The following COP1 variants were observed in gnomAD, a reference collection of about 807,000 sequenced individuals.
COP1 encodes COP1 E3 ubiquitin ligase.
In COP1, 24 loss-of-function variants were observed where a neutral mutation model predicts 101.3. The observed-to-expected ratio is 0.24, with a 90% CI of 0.17 to 0.33. The LOEUF (loss-of-function observed/expected upper bound fraction) is 0.33. Ranked by LOEUF, COP1 falls within the 10% of genes least tolerant of loss-of-function variation. The probability of loss-of-function intolerance (pLI) is 1.00; values close to 1 mark genes in which losing one functional copy is unlikely to be tolerated. For synonymous variants in COP1, 347 were observed against 341.9 expected, an observed-to-expected ratio of 1.01 and a Z score of -0.17; for missense variants, 663 against 906.2, an observed-to-expected ratio of 0.73 and a Z score of 3.45.
In COP1 at chr1:175,979,499, T is replaced by TAA. The variant is rs66686930; in HGVS notation, c.2133+7442_2133+7443dup. Among the ~76,000 whole-genome samples the TAA allele has an allele frequency of 1.2e-3, 172 of 146,394 alleles. 1 individual carries two copies. The highest frequency in any genetic ancestry group is 3.5e-3 in the Middle Eastern group (1 of 286). ...TAAATTTGGAAAGTAGATATGCCTT[T>TAA]AAAAAAAAAAAAGACTGAGTTGTGA... On this transcript the variant is annotated intron_variant, in intron 18 of 19. Coordinates refer to ENST00000367669, the MANE Select transcript of COP1 (RefSeq NM_022457.7).
chr1:175,981,185 T>C (rs1312822726), intron 18 of COP1, among the ~76,000 whole-genome samples: 1 of 152,170 alleles, frequency 6.6e-6, no homozygotes, highest in East Asian at 1.9e-4. Flanking sequence ...TGAAAATTTT[T>C]CAGGTTTATT....
At chr1:176,148,047 G>A (rs1691842483) in intron 6 of COP1, among the ~76,000 whole-genome samples, 1 of 151,660 alleles carries the variant, frequency 6.6e-6, no homozygotes, top group Non-Finnish European at 1.5e-5. Flanking sequence ...TTAAACAAAT[G>A]AATGACTGGA....
rs1273506313 is a variant in COP1 at position 176,207,200 on chromosome 1, A to G, written c.-222T>C. ...CTAAAAAAGCGGAGTAGAAGGCACT[A>G]CCGCTGTCGAGGCCGCCGCCGCCAC... is the stretch of plus-strand genomic sequence containing the variant. On this transcript the variant is annotated 5_prime_UTR_variant, in exon 1 of 20. Coordinates refer to ENST00000367669, the MANE Select transcript of COP1 (RefSeq NM_022457.7). The G allele has an allele frequency of 4.9e-6, 2 of 405,134 alleles. No individual in the cohort carries two copies. Among genetic ancestry groups the G allele is most frequent in the Non-Finnish European group, 8.6e-6 (2 of 232,162 alleles). The allele number at this position is 405,134 out of a possible 1,614,324, so 25.1% of individuals were successfully genotyped here.
chr1:176,165,382 GT>G (rs1171768247), intron 3 of COP1, among the ~76,000 whole-genome samples: 24 of 148,458 alleles, frequency 1.6e-4, no homozygotes, highest in African/African-American at 5.6e-4. Context: ...GTGTGTGTGT[GT>G]GTGTGTGTGT....
rs373677030 is a variant in COP1 at position 176,070,514 on chromosome 1, C to T, written c.1277+10638G>A. Among the ~76,000 whole-genome samples, 399 of 152,038 alleles carry T rather than the reference C, an allele frequency of 2.6e-3. 3 individuals carry two copies. The highest frequency in any genetic ancestry group is 9.2e-3 in the African/African-American group (381 of 41,502). ...CCGTCTCTACTAAAAATACAAAAATCAGCTGGCTGTGGTGGCACTTGCCTG... is the reference window on the plus strand; with the variant it reads ...CCGTCTCTACTAAAAATACAAAAATTAGCTGGCTGTGGTGGCACTTGCCTG... On this transcript the variant is annotated intron_variant, in intron 11 of 19. Coordinates refer to ENST00000367669, the MANE Select transcript of COP1 (RefSeq NM_022457.7).
intron 15 of COP1, among the ~76,000 whole-genome samples, chr1:176,011,206 C>A (rs1027860818): frequency 6.6e-6 from 1 of 152,122 alleles, no homozygotes; most frequent in Admixed American, 6.6e-5. Flanking sequence ...TAGTCACTAG[C>A]CACATGTGGT....
intron 6 of COP1, among the ~76,000 whole-genome samples, chr1:176,139,436 T>C (rs1200333254): frequency 6.6e-6 from 1 of 152,084 alleles, no homozygotes; most frequent in African/African-American, 2.4e-5. Context: ...AGAGAACTAC[T>C]ATTTGACCGA....
chr1:176,049,097 A>G (rs979847337), intron 11 of COP1, among the ~76,000 whole-genome samples: 1 of 149,396 alleles, frequency 6.7e-6, no homozygotes, highest in Non-Finnish European at 1.5e-5. Flanking sequence ...GCGTGAACCC[A>G]GGAAGCGGAG....
chr1:175,996,279 G>A lies in COP1; in HGVS notation c.1730-6800C>T, dbSNP rs200127542. Among the ~76,000 whole-genome samples, 1,017 of 152,254 alleles carry A rather than the reference G, an allele frequency of 6.7e-3. 4 individuals are homozygous for A. Among genetic ancestry groups the A allele is most frequent in the African/African-American group, 0.023 (944 of 41,496 alleles). On this transcript the variant is annotated intron_variant, in intron 15 of 19. Transcript: ENST00000367669. Reference sequence around the variant, plus strand: ...AATAAGAGCTATCTATGACCAACCCGCAGCCAATATCATACTGAATGGGCA... The same window carrying A: ...AATAAGAGCTATCTATGACCAACCCACAGCCAATATCATACTGAATGGGCA...
chr1:176,152,708 C>T lies in COP1; in HGVS notation c.763-3634G>A, dbSNP rs141531591. On this transcript the variant is annotated intron_variant, in intron 5 of 19. Transcript: ENST00000367669. ...CTGCCTTCCTGGCCTCCCAAAGTGCCGTAATTACGGCGTGAGCCACTGTGC... is the reference window on the plus strand; with the variant it reads ...CTGCCTTCCTGGCCTCCCAAAGTGCTGTAATTACGGCGTGAGCCACTGTGC... 1.1e-3 allele frequency among the ~76,000 whole-genome samples: 171 copies of T among 152,090 alleles called. 1 individual carries two copies. Among genetic ancestry groups the T allele is most frequent in the Admixed American group, 2.1e-3 (32 of 15,268 alleles).
chr1:176,083,811 A>G (rs1441705128), intron 10 of COP1, among the ~76,000 whole-genome samples: 5 of 152,316 alleles, frequency 3.3e-5, no homozygotes, highest in Non-Finnish European at 1.5e-5. Flanking sequence ...TTACAGTCAG[A>G]GGTACTAGGA....
intron 15 of COP1, among the ~76,000 whole-genome samples, chr1:176,012,572 C>T (rs1177016357): frequency 6.6e-6 from 1 of 152,092 alleles, no homozygotes; most frequent in African/African-American, 2.4e-5. Context: ...ACAGTAATGA[C>T]CTAGGTCTTC....
intron 2 of COP1, among the ~76,000 whole-genome samples, chr1:176,183,046 T>C (rs56192244): frequency 0.034 from 5,109 of 152,316 alleles, 118 homozygotes; most frequent in Non-Finnish European, 0.047. Flanking sequence ...ATAATATACA[T>C]TGCTGTTATC....
intron 14 of COP1, among the ~76,000 whole-genome samples, chr1:176,042,854 C>G (rs1209374480): frequency 1.3e-5 from 2 of 151,180 alleles, no homozygotes; most frequent in Non-Finnish European, 2.9e-5. Flanking sequence ...CATGTTGAAA[C>G]CCCATCTCTA....
At chr1:176,065,410 G>A (rs1239372850) in intron 11 of COP1, among the ~76,000 whole-genome samples, 2 of 152,124 alleles carry the variant, frequency 1.3e-5, no homozygotes, top group Admixed American at 6.5e-5. Context: ...TAGGACAAAC[G>A]GTGAATTGAA....
intron 15 of COP1, among the ~76,000 whole-genome samples, chr1:176,014,449 T>C (rs1300375640): frequency 6.6e-6 from 1 of 152,236 alleles, no homozygotes; most frequent in Non-Finnish European, 1.5e-5. Flanking sequence ...ATTTGAAAAC[T>C]ATTCTAATTA....
chr1:176,189,135 T>C (rs1698817354), intron 1 of COP1, among the ~76,000 whole-genome samples: 1 of 152,100 alleles, frequency 6.6e-6, no homozygotes, highest in East Asian at 1.9e-4. Flanking sequence ...AAGGCAGCCC[T>C]AGAAAGACAC....
At chr1:176,012,142 C>A (rs1353969469) in intron 15 of COP1, among the ~76,000 whole-genome samples, 2 of 152,194 alleles carry the variant, frequency 1.3e-5, no homozygotes, top group Non-Finnish European at 2.9e-5. Context: ...TAACACTGTG[C>A]CTATGAATAG....
chr1:175,982,529 A>G (rs778202691), intron 18 of COP1: 20 of 357,430 alleles, frequency 5.6e-5, no homozygotes, highest in Non-Finnish European at 7.6e-5. Context: ...GATTTTCTTA[A>G]TAATATTTTC....
Sources: gnomAD v4.1 joint callset for allele counts (sites outside exome capture counted in the v4.1 genomes callset) on GRCh38, gnomAD v4.1.1 for gene constraint, MANE v1.5 for transcripts, NCBI Gene and HGNC (gene_info 2026-07-23, HGNC 2026-07-21) for gene names.